Variants in LRRC46 observed in about 807,000 individuals in gnomAD.
LRRC46 encodes the protein leucine rich repeat containing 46.
LRRC46 carries 20 observed loss-of-function variants against 28.0 expected under a neutral mutation model. The ratio of observed to expected loss-of-function variants is 0.71; its 90% CI spans 0.50 to 1.04. The LOEUF is 1.04. LRRC46 is among the 50% of genes least tolerant of loss of function. The probability of loss-of-function intolerance (pLI) is 0.00; values close to 1 mark genes in which losing one functional copy is unlikely to be tolerated. For synonymous variants in LRRC46, 156 were observed against 158.8 expected (o/e 0.98, Z 0.13); for missense variants, 315 against 390.1 (o/e 0.81, Z 1.62).
rs971073628 is a variant in LRRC46 at position 47,836,736 on chromosome 17, C to G, written c.596-14C>G. On this transcript the variant is annotated splice_polypyrimidine_tract_variant and intron_variant, in intron 7 of 7. Coordinates refer to ENST00000269025, the MANE Select transcript of LRRC46 (RefSeq NM_033413.4). This position sits in a 1 kb window ranked among gnomAD's most constrained non-coding sequence, Gnocchi z 5.8. Reference sequence around the variant, plus strand: ...TCCACCCACCCTGTACCCTCCACCCCCGGCCCCTCCCAGGCTTCCTCAAGG... The same window carrying G: ...TCCACCCACCCTGTACCCTCCACCCGCGGCCCCTCCCAGGCTTCCTCAAGG... 1.6e-5 allele frequency: 25 copies of G among 1,612,322 alleles called. No individual in the cohort carries two copies. Among genetic ancestry groups the G allele is most frequent in the Non-Finnish European group, 2.1e-5 (25 of 1,179,562 alleles).
intron 2 of LRRC46, chr17:47,833,792 C>A: frequency 4.7e-6 from 1 of 213,250 alleles, no homozygotes; most frequent in Non-Finnish European, 7.9e-6. Context: ...GCTCTGTCAC[C>A]CAGGCTGAAG....
chr17:47,834,034 G>A (rs530233759), intron 2 of LRRC46: 118 of 991,122 alleles, frequency 1.2e-4, no homozygotes, highest in Admixed American at 1.0e-3. Context: ...CTCCATGAAC[G>A]ACTCAAAAGG....
Position 47,836,343 on chromosome 17 carries a change from A to G in LRRC46, c.463A>G (p.Thr155Ala). 2 of 1,613,856 alleles carry G rather than the reference A, an allele frequency of 1.2e-6. No homozygotes were observed. Among genetic ancestry groups the G allele is most frequent in the Non-Finnish European group, 1.7e-6 (2 of 1,179,988 alleles). ...TNQDGYRELV[T>A]EALPLLLDLD... ...CCTTCTGCTCTGCAGCGAGCTGGTGACAGAAGCCCTGCCACTTCTCCTGGA... is the reference window on the plus strand; with the variant it reads ...CCTTCTGCTCTGCAGCGAGCTGGTGGCAGAAGCCCTGCCACTTCTCCTGGA... Residue 155 changes from threonine (T) to alanine (A), a missense_variant, in exon 7 of 8, where the codon ACA becomes GCA. Coordinates refer to ENST00000269025, the MANE Select transcript of LRRC46 (RefSeq NM_033413.4). This position sits in a 1 kb window ranked among gnomAD's most constrained non-coding sequence, Gnocchi z 5.8.
chr17:47,833,597 C>A (rs1316818006), intron 2 of LRRC46, among the ~76,000 whole-genome samples: 1 of 151,600 alleles, frequency 6.6e-6, no homozygotes, highest in Admixed American at 6.6e-5. Flanking sequence ...TACAGGTGTG[C>A]GCCACCACAC....
At chr17:47,833,953 C>T in intron 2 of LRRC46, 5 of 985,644 alleles carry the variant, frequency 5.1e-6, no homozygotes, top group Non-Finnish European at 6.0e-6. Context: ...GAGACTCTGT[C>T]ATTTGTCTCT....
Position 47,835,569 on chromosome 17 carries a change from T to C in LRRC46, c.273-97T>C. On this transcript the variant is annotated intron_variant, in intron 4 of 7. Transcript: ENST00000269025. ...CCATGTGTCCCCACTGGTCATCAGC[T>C]GCCTAGCCCAGGGGCCCCGGTGTCA... 7.2e-6 allele frequency: 10 copies of C among 1,398,408 alleles called. No individual in the cohort carries two copies. In the South Asian group the frequency reaches 1.2e-4, roughly 17 times the overall value. 86.6% of individuals were successfully genotyped at this position (1,398,408 alleles called of 1,614,324 possible). A position where few individuals can be genotyped will look rare whatever the true frequency, so the allele number is the denominator to read the frequency against.
chr17:47,832,269 G>C lies in LRRC46; in HGVS notation c.116+64G>C, dbSNP rs1175801362. 6 of 1,199,344 alleles carry C rather than the reference G, an allele frequency of 5.0e-6. 1 individual carries two copies. The South Asian group carries it at 7.7e-5, about 15-fold the overall frequency. 74.3% of individuals were successfully genotyped at this position (1,199,344 alleles called of 1,614,324 possible). On this transcript the variant is annotated intron_variant, in intron 2 of 7. Coordinates refer to ENST00000269025, the MANE Select transcript of LRRC46 (RefSeq NM_033413.4). ...AAACACTCAGGATGACCAGGTCCCTGACGTGTACTGATTTGTCAACTGATC... is the reference window on the plus strand; with the variant it reads ...AAACACTCAGGATGACCAGGTCCCTCACGTGTACTGATTTGTCAACTGATC...
chr17:47,833,642 G>A (rs1032019437), intron 2 of LRRC46, among the ~76,000 whole-genome samples: 2 of 151,576 alleles, frequency 1.3e-5, no homozygotes, highest in Non-Finnish European at 2.9e-5. Context: ...AGTAGAGATG[G>A]GGTTTCACCA....
Position 47,836,625 on chromosome 17 carries a change from C to A in LRRC46, c.596-125C>A. 1 of 1,494,144 alleles carries A rather than the reference C, an allele frequency of 6.7e-7. No individual in the cohort carries two copies. Among genetic ancestry groups the A allele is most frequent in the Non-Finnish European group, 9.0e-7 (1 of 1,115,306 alleles). 92.6% of individuals were successfully genotyped at this position (1,494,144 alleles called of 1,614,324 possible). On this transcript the variant is annotated intron_variant, in intron 7 of 7. Coordinates refer to ENST00000269025, the MANE Select transcript of LRRC46 (RefSeq NM_033413.4). The surrounding 1 kb of genome is among the most constrained non-coding windows in gnomAD (Gnocchi z 5.8). ...CCAGAGCCAGGTGTCAGTCCTGGGC[C>A]CCAGCCTCAGGCTCCTTCCCACAAG...
chr17:47,837,074 A>G lies in LRRC46; in HGVS notation c.920A>G (p.Glu307Gly). The change falls in exon 8 of 8, where the codon GAG becomes GGG. Residue 307 changes from glutamate (E) to glycine (G), a missense_variant. Coordinates refer to ENST00000269025, the MANE Select transcript of LRRC46 (RefSeq NM_033413.4). ...AATAPKASVA[E>G]APSTTKTTAK... ...ACAGCCCCCAAGGCCTCTGTGGCTG[A>G]GGCCCCCAGCACAACCAAAACTACG... The G allele has an allele frequency of 6.2e-7, 1 of 1,605,958 alleles. No individual in the cohort carries two copies. The highest frequency in any genetic ancestry group is 2.2e-5 in the East Asian group (1 of 44,844).
chr17:47,835,046 T>C (rs572345860), intron 3 of LRRC46: 34 of 383,158 alleles, frequency 8.9e-5, no homozygotes, highest in African/African-American at 6.9e-4. Context: ...ACCAAGGCCC[T>C]TTCCGTTTTC....
Position 47,831,802 on chromosome 17 carries a change from C to T in LRRC46, c.-188C>T. 1 of 733,924 alleles carries T rather than the reference C, an allele frequency of 1.4e-6. No individual in the cohort carries two copies. The highest frequency in any genetic ancestry group is 2.7e-5 in the Admixed American group (1 of 37,414). 45.5% of individuals were successfully genotyped at this position (733,924 alleles called of 1,614,324 possible). A position where few individuals can be genotyped will look rare whatever the true frequency, so the allele number is the denominator to read the frequency against. Reference sequence around the variant, plus strand: ...CACCCCTCAAACTCCAGACCCTTCACATCAATTTACTGTTTTCTTCGACCT... The same window carrying T: ...CACCCCTCAAACTCCAGACCCTTCATATCAATTTACTGTTTTCTTCGACCT... On this transcript the variant is annotated 5_prime_UTR_variant, in exon 1 of 8. Coordinates refer to ENST00000269025, the MANE Select transcript of LRRC46 (RefSeq NM_033413.4).
intron 2 of LRRC46, 49 bp downstream of exon 2, chr17:47,832,254 G>A: frequency 7.3e-7 from 1 of 1,370,730 alleles, no homozygotes; most frequent in Non-Finnish European, 1.0e-6. Context: ...AAACACTCAG[G>A]ATGACCAGGT....
Position 47,834,521 on chromosome 17 carries a change from C to G in LRRC46, c.213C>G (p.Leu71=), listed in dbSNP as rs780293924. 5 of 1,608,336 alleles carry G rather than the reference C, an allele frequency of 3.1e-6. No individual in the cohort carries two copies. The South Asian group carries it at 5.5e-5, about 18-fold the overall frequency. ...NLEGLQNLHS[L]YLQGNKIQQI... Reference sequence around the variant, plus strand: ...AAGGCCTCCAGAATCTTCACAGTCTCTATCTGCAAGGGGTAACTTCTTTCT... The same window carrying G: ...AAGGCCTCCAGAATCTTCACAGTCTGTATCTGCAAGGGGTAACTTCTTTCT... The change falls in exon 3 of 8, where the codon CTC becomes CTG. Residue 71 remains leucine (L), a synonymous_variant. Transcript: ENST00000269025.
At chr17:47,835,896 G>C in intron 5 of LRRC46, 121 bp downstream of exon 5, 1 of 1,294,364 alleles carries the variant, frequency 7.7e-7, no homozygotes, top group Non-Finnish European at 1.1e-6. Flanking sequence ...TTCATCCTCA[G>C]GGAGTTCAAG....
chr17:47,835,735 T>C lies in LRRC46; in HGVS notation c.342T>C (p.Phe114=). 4 of 1,614,178 alleles carry C rather than the reference T, an allele frequency of 2.5e-6. No individual in the cohort carries two copies. Among genetic ancestry groups the C allele is most frequent in the Non-Finnish European group, 2.5e-6 (3 of 1,180,020 alleles). The part of the protein sequence containing the change: ...ENLLDLPCLQ[F]LDLSENLIET... ...TCCTCGACCTCCCATGCCTCCAGTT[T>C]CTGGACCTTTCTGAGAACCTGATAG... The change falls in exon 5 of 8, where the codon TTT becomes TTC. Residue 114 remains phenylalanine, a synonymous_variant. Coordinates refer to ENST00000269025, the MANE Select transcript of LRRC46 (RefSeq NM_033413.4).
intron 1 of LRRC46, 23 bp from the exon 2 acceptor site, chr17:47,832,077 C>T (rs1376136760): frequency 1.2e-6 from 2 of 1,613,176 alleles, no homozygotes; most frequent in Non-Finnish European, 1.7e-6. Context: ...GGAAGTGTCA[C>T]AGTTGGACTC....
chr17:47,836,654 CA>C lies in LRRC46; in HGVS notation c.596-94del, dbSNP rs2033700915. 2.9e-5 allele frequency: 45 copies of C among 1,532,226 alleles called. No individual in the cohort carries two copies. Among genetic ancestry groups the C allele is most frequent in the Non-Finnish European group, 3.0e-5 (34 of 1,138,622 alleles). The allele number at this position is 1,532,226 out of a possible 1,614,324, so 94.9% of individuals were successfully genotyped here. A position where few individuals can be genotyped will look rare whatever the true frequency, so the allele number is the denominator to read the frequency against. On this transcript the variant is annotated intron_variant, in intron 7 of 7. Transcript: ENST00000269025. The surrounding 1 kb of genome is among the most constrained non-coding windows in gnomAD (Gnocchi z 5.8). ...GCCTCAGGCTCCTTCCCACAAGGGA[CA>C]AGGGGCCAGCCAGAGACTTCCCTGA... is the stretch of plus-strand genomic sequence containing the variant.
At position 47,837,571 on chromosome 17, in the gene LRRC46, TCACTCACCCACTCATAGGAATGAGTA is replaced by T; in HGVS notation, c.*455_*480del. On this transcript the variant is annotated 3_prime_UTR_variant, in exon 8 of 8. Transcript: ENST00000269025. ...TCCCTGTCCTCCTGCCCAGTCCCCA[TCACTCACCCACTCATAGGAATGAGTA>T]CACAACCACAGGCCCCGCAGCCAGC... is the stretch of plus-strand genomic sequence containing the variant. The T allele has an allele frequency of 2.1e-6, 1 of 482,796 alleles. No homozygotes were observed. The highest frequency in any genetic ancestry group is 3.6e-6 in the Non-Finnish European group (1 of 275,924). The allele number at this position is 482,796 out of a possible 1,614,324, so 29.9% of individuals were successfully genotyped here.
Sources: gnomAD v4.1 joint callset for allele counts (sites outside exome capture counted in the v4.1 genomes callset) on GRCh38, gnomAD v4.1.1 for gene constraint, Gnocchi (gnomAD v3.1) non-coding constraint, MANE v1.5 for transcripts, NCBI Gene and HGNC (gene_info 2026-07-23, HGNC 2026-07-21) for gene names.